CACNA2D4: variants seen among roughly 807,000 people sequenced by gnomAD.
CACNA2D4 encodes voltage-dependent calcium channel subunit alpha-2/delta-4.
Under a neutral mutation model 163.8 loss-of-function variants are expected in CACNA2D4, and 157 were observed. The observed-to-expected ratio is 0.96, with a 90% CI of 0.84 to 1.09. CACNA2D4 has a LOEUF of 1.09. Ranked by LOEUF, CACNA2D4 falls within the 50% of genes least tolerant of loss-of-function variation. The pLI is 0.00. For synonymous variants in CACNA2D4, 598 were observed against 586.9 expected (o/e 1.02, Z -0.27); for missense variants, 1,410 against 1,479.9 (o/e 0.95, Z 0.78).
intron 6 of CACNA2D4, among the ~76,000 whole-genome samples, chr12:1,892,744 A>G (rs1866316261): frequency 6.6e-6 from 1 of 152,212 alleles, no homozygotes; most frequent in Non-Finnish European, 1.5e-5. Flanking sequence ...TGCCTAGAAG[A>G]AACTCATCTC....
At chr12:1,849,221 A>T (rs1285655737) in intron 23 of CACNA2D4, among the ~76,000 whole-genome samples, 1 of 152,226 alleles carries the variant, frequency 6.6e-6, no homozygotes, top group Admixed American at 6.5e-5. Flanking sequence ...AATTTCTTTA[A>T]GAGAAATACA....
In CACNA2D4 at chr12:1,810,567, C is replaced by A. The variant is rs375552481; in HGVS notation, c.2634G>T (p.Pro878=). 5.8e-6 allele frequency: 9 copies of A among 1,553,598 alleles called. No individual in the cohort carries two copies. In the Admixed American group the frequency reaches 1.6e-4, roughly 27 times the overall value. The change falls in exon 28 of 38, where the codon CCG becomes CCT. Residue 878 remains proline, a synonymous_variant. Coordinates refer to ENST00000382722, the MANE Select transcript of CACNA2D4 (RefSeq NM_172364.5). ...ATRQCSTVDG[P]CTQSCEDSDL... is the part of the protein sequence containing the mutation. The stretch of plus-strand genomic sequence containing the variant: ...CACTGTCCTCGCAGCTCTGTGTGCA[C>A]GGCCCATCCACAGTGCTGCACTGGA...
chr12:1,834,911 G>C lies in CACNA2D4; in HGVS notation c.2551+5828C>G, dbSNP rs1459241982. On this transcript the variant is annotated intron_variant, in intron 26 of 37. Coordinates refer to ENST00000382722, the MANE Select transcript of CACNA2D4 (RefSeq NM_172364.5). The surrounding 1 kb of genome is among the most constrained non-coding windows in gnomAD (Gnocchi z 7.6). ...AGGCTCCCTGAAAGCCACCGTGCTGGGGGCTCCTGCTGATGCTCCTGTCTG... is the reference window on the plus strand; with the variant it reads ...AGGCTCCCTGAAAGCCACCGTGCTGCGGGCTCCTGCTGATGCTCCTGTCTG... 3 of 1,103,964 alleles carry C rather than the reference G, an allele frequency of 2.7e-6. No homozygotes were observed. The highest frequency in any genetic ancestry group is 3.7e-6 in the Non-Finnish European group (3 of 802,450). 68.4% of individuals were successfully genotyped at this position (1,103,964 alleles called of 1,614,324 possible). A position where few individuals can be genotyped will look rare whatever the true frequency, so the allele number is the denominator to read the frequency against.
chr12:1,846,544 C>T, intron 24 of CACNA2D4, 50 bp downstream of exon 24: 1 of 1,439,138 alleles, frequency 6.9e-7, no homozygotes, highest in Admixed American at 2.0e-5. Flanking sequence ...GGACTCTGGC[C>T]CTCTCTGCCC....
In CACNA2D4 at chr12:1,811,618, C is replaced by T. The variant is rs373388216; in HGVS notation, c.2613+44G>A. 1.8e-4 allele frequency: 279 copies of T among 1,538,836 alleles called. No individual in the cohort carries two copies. In the African/African-American group the frequency reaches 2.7e-3, roughly 15 times the overall value. The stretch of plus-strand genomic sequence containing the variant: ...AGAGGGGGTCTCACACCCAGGGGAG[C>T]GTGGTGAGTCCCCAGCCCCGACCTG... On this transcript the variant is annotated intron_variant, in intron 27 of 37. Coordinates refer to ENST00000382722, the MANE Select transcript of CACNA2D4 (RefSeq NM_172364.5).
chr12:1,871,590 ATG>A (rs1177922531), intron 18 of CACNA2D4, among the ~76,000 whole-genome samples: 3 of 133,446 alleles, frequency 2.2e-5, no homozygotes, highest in Admixed American at 7.6e-5. Context: ...TTGCTGGTGT[ATG>A]TGTGTACACA....
rs1020234756 is a variant in CACNA2D4 at position 1,806,471 on chromosome 12, G to A, written c.2721+3807C>T. The stretch of plus-strand genomic sequence containing the variant: ...GGCCCTTGTGGTTTCCCCACTCACT[G>A]ACTACGGGGAGGAGGGTGTGCAAGG... On this transcript the variant is annotated intron_variant, in intron 29 of 37. Transcript: ENST00000382722. The surrounding 1 kb of genome is among the most constrained non-coding windows in gnomAD (Gnocchi z 4.1). Among the ~76,000 whole-genome samples, 7 of 152,206 alleles carry A rather than the reference G, an allele frequency of 4.6e-5. No homozygotes were observed. Among genetic ancestry groups the A allele is most frequent in the Non-Finnish European group, 1.0e-4 (7 of 68,036 alleles).
At chr12:1,800,485 A>T in intron 31 of CACNA2D4, 47 bp from the exon 32 acceptor site, 1 of 1,561,758 alleles carries the variant, frequency 6.4e-7, no homozygotes. Flanking sequence ...TCCAAGGGTG[A>T]GGGTGCCCCC....
Position 1,834,246 on chromosome 12 carries a change from C to T in CACNA2D4, c.2551+6493G>A. 2 of 1,531,568 alleles carry T rather than the reference C, an allele frequency of 1.3e-6. No homozygotes were observed. Among genetic ancestry groups the T allele is most frequent in the Non-Finnish European group, 1.8e-6 (2 of 1,137,852 alleles). 94.9% of individuals were successfully genotyped at this position (1,531,568 alleles called of 1,614,324 possible). ...AGTTCTAGATGCCTGGTCAGCCCCT[C>T]TTTTTCTCTTCTGCATGTAGGGGGA... is the stretch of plus-strand genomic sequence containing the variant. On this transcript the variant is annotated intron_variant, in intron 26 of 37. Coordinates refer to ENST00000382722, the MANE Select transcript of CACNA2D4 (RefSeq NM_172364.5). This position sits in a 1 kb window ranked among gnomAD's most constrained non-coding sequence, Gnocchi z 7.6.
Position 1,793,719 on chromosome 12 carries a change from G to T in CACNA2D4, c.3350C>A (p.Ala1117Asp). The change falls in exon 38 of 38, where the codon GCC (alanine) becomes GAC (aspartate). Residue 1117 changes from alanine (A) to aspartate (D), a missense_variant. Transcript: ENST00000382722. ...AGGCAGCAGGAGTAGGGGCGGCGAG[G>T]CTGAGGTGTCCGAGGCGCCGCCGCA... ...QDCGGASDTS[A>D]SPPLLLLPVC... 6.2e-7 allele frequency: 1 copy of T among 1,613,484 alleles called. No individual in the cohort carries two copies. Among genetic ancestry groups the T allele is most frequent in the African/African-American group, 1.3e-5 (1 of 75,058 alleles).
At chr12:1,896,532 A>G (rs1866403981) in intron 6 of CACNA2D4, among the ~76,000 whole-genome samples, 1 of 151,934 alleles carries the variant, frequency 6.6e-6, no homozygotes, top group African/African-American at 2.4e-5. Context: ...GCTCAATATC[A>G]CGAATCACGA....
chr12:1,898,677 C>CTGTGTG (rs148994217), intron 6 of CACNA2D4, among the ~76,000 whole-genome samples: 18,230 of 149,330 alleles, frequency 0.12, 1,253 homozygotes, highest in African/African-American at 0.2. Flanking sequence ...TCCCACAACT[C>CTGTGTG]TGTGTGTGTG....
At chr12:1,887,241 G>A (rs1252436483) in intron 6 of CACNA2D4, among the ~76,000 whole-genome samples, 172 bp from the exon 7 acceptor site, 4 of 152,204 alleles carry the variant, frequency 2.6e-5, no homozygotes, top group Non-Finnish European at 5.9e-5. Flanking sequence ...AAGCTGGCAA[G>A]GAGACATCTA....
At chr12:1,910,506 T>C (rs1328411388) in intron 3 of CACNA2D4, among the ~76,000 whole-genome samples, 1 of 152,226 alleles carries the variant, frequency 6.6e-6, no homozygotes, top group Non-Finnish European at 1.5e-5. Context: ...AACTGTACTT[T>C]CTTCTACATT....
rs1863236075 is a variant in CACNA2D4 at position 1,799,438 on chromosome 12, C to A, written c.2995+237G>T. On this transcript the variant is annotated intron_variant, in intron 34 of 37. Transcript: ENST00000382722. The surrounding 1 kb of genome is among the most constrained non-coding windows in gnomAD (Gnocchi z 4.7). ...TTCCTCTTGGAATCTTACGTGTTCT[C>A]ACCCAAGGGGAGGCTGGAGTTTCTC... Among the ~76,000 whole-genome samples the A allele has an allele frequency of 6.6e-6, 1 of 152,220 alleles. No homozygotes were observed. The highest frequency in any genetic ancestry group is 2.4e-5 in the African/African-American group (1 of 41,466).
intron 18 of CACNA2D4, among the ~76,000 whole-genome samples, chr12:1,870,292 T>C (rs1323278369): frequency 6.6e-6 from 1 of 152,152 alleles, no homozygotes; most frequent in East Asian, 1.9e-4. Context: ...ACCTCGAGGC[T>C]TCCCTGTGTC....
At chr12:1,888,345 T>A (rs1255733278) in intron 6 of CACNA2D4, among the ~76,000 whole-genome samples, 1 of 152,262 alleles carries the variant, frequency 6.6e-6, no homozygotes. Context: ...TCTTGTGGAT[T>A]CCCAACTCAG....
intron 26 of CACNA2D4, among the ~76,000 whole-genome samples, chr12:1,817,428 C>G (rs1863912300): frequency 6.6e-6 from 1 of 152,112 alleles, no homozygotes; most frequent in Non-Finnish European, 1.5e-5. Flanking sequence ...GCCAGTCCCC[C>G]TGCTTGAACA....
Position 1,874,698 on chromosome 12 carries a change from A to G in CACNA2D4, c.1807-23T>C. The G allele has an allele frequency of 6.4e-7, 1 of 1,563,344 alleles. No homozygotes were observed. The highest frequency in any genetic ancestry group is 8.8e-7 in the Non-Finnish European group (1 of 1,134,002). ...CAGCTTCAGGAGGAAAGACAATGGC[A>G]TTAGTTCCTTGGCTCACAGGGGATG... On this transcript the variant is annotated intron_variant, in intron 17 of 37. Coordinates refer to ENST00000382722, the MANE Select transcript of CACNA2D4 (RefSeq NM_172364.5). The surrounding 1 kb of genome is among the most constrained non-coding windows in gnomAD (Gnocchi z 4.4).
Sources: allele counts gnomAD v4.1 joint callset (sites outside exome capture counted in the v4.1 genomes callset), GRCh38; gene constraint gnomAD v4.1.1; non-coding constraint Gnocchi (gnomAD v3.1); transcripts MANE v1.5; gene names NCBI Gene and HGNC (gene_info 2026-07-23, HGNC 2026-07-21).